Variants in DNAH9 observed in about 807,000 individuals in gnomAD.
DNAH9 encodes DNAH9 variant protein.
DNAH9 carries 345 observed loss-of-function variants against 471.6 expected under a neutral mutation model. The observed-to-expected ratio is 0.73, with a 90% CI of 0.67 to 0.80. The LOEUF (loss-of-function observed/expected upper bound fraction) is 0.80. Among genes scored for constraint, DNAH9 ranks in the 30% least tolerant of loss-of-function variants. The pLI is 0.00. For missense variants in DNAH9, 5,407 were observed against 5,609.2 expected, an observed-to-expected ratio of 0.96 and a Z score of 1.15; for synonymous variants, 2,093 against 2,123.6, an observed-to-expected ratio of 0.99 and a Z score of 0.40.
intron 45 of DNAH9, among the ~76,000 whole-genome samples, chr17:11,812,014 AAAAAAAAAAAAAATATATATAT>A: frequency 1.9e-5 from 1 of 51,890 alleles, no homozygotes; most frequent in Admixed American, 2.1e-4. Flanking sequence ...AAAAAAAAAA[AAAAAAAAAAAAAATATATATAT>A]ATATATATAT....
At chr17:11,644,405 G>C (rs1281573384) in intron 10 of DNAH9, among the ~76,000 whole-genome samples, 1 of 152,114 alleles carries the variant, frequency 6.6e-6, no homozygotes, top group East Asian at 1.9e-4. Flanking sequence ...GGCAGGAAAG[G>C]TTATGAGAGC....
At chr17:11,940,925 A>C (rs759680275) in intron 66 of DNAH9, among the ~76,000 whole-genome samples, 8 of 152,196 alleles carry the variant, frequency 5.3e-5, no homozygotes, top group Non-Finnish European at 1.2e-4. Flanking sequence ...AGACACCAAC[A>C]GAGCTTAACT....
At chr17:11,848,019 C>T (rs943404694) in intron 49 of DNAH9, among the ~76,000 whole-genome samples, 4 of 152,264 alleles carry the variant, frequency 2.6e-5, no homozygotes, top group East Asian at 3.9e-4. Context: ...TCCCTTTTCT[C>T]CTCAAGCCCA....
chr17:11,904,630 C>CAAAAAAA lies in DNAH9; in HGVS notation c.11601-1010_11601-1004dup, dbSNP rs202059757. 4.1e-3 allele frequency among the ~76,000 whole-genome samples: 454 copies of CAAAAAAA among 111,346 alleles called. 13 individuals are homozygous for CAAAAAAA. Among genetic ancestry groups the CAAAAAAA allele is most frequent in the East Asian group, 0.012 (39 of 3,170 alleles). The allele number at this position is 111,346 out of a possible 152,430, so 73.0% of individuals were successfully genotyped here. On this transcript the variant is annotated intron_variant, in intron 60 of 68. Transcript: ENST00000262442. ...TGGGCGACAGAGTGAGACTCCATCT[C>CAAAAAAA]AAAAAAAAAAAAAAAAAAAAAAAAA...
At chr17:11,938,094 A>G (rs1298186521) in intron 66 of DNAH9, among the ~76,000 whole-genome samples, 1 of 152,190 alleles carries the variant, frequency 6.6e-6, no homozygotes, top group East Asian at 1.9e-4. Flanking sequence ...TGGAGTAGAA[A>G]GGCAGACCAG....
chr17:11,873,384 G>GA (rs1330744035), intron 52 of DNAH9: 1 of 152,114 alleles, frequency 6.6e-6, no homozygotes, highest in Admixed American at 6.6e-5. Context: ...ATTACAAAGG[G>GA]AAAAAATATA....
intron 42 of DNAH9, among the ~76,000 whole-genome samples, chr17:11,795,023 T>C (rs561580585): frequency 1.3e-5 from 2 of 152,122 alleles, no homozygotes; most frequent in African/African-American, 4.8e-5. Flanking sequence ...TGTATACATA[T>C]GTAACAAACC....
intron 52 of DNAH9, among the ~76,000 whole-genome samples, chr17:11,873,831 T>C (rs1048243124): frequency 6.6e-6 from 1 of 152,156 alleles, no homozygotes; most frequent in Non-Finnish European, 1.5e-5. Flanking sequence ...TGCATAATGT[T>C]ATGCATAGAC....
At chr17:11,870,194 A>G (rs2150985041) in intron 51 of DNAH9, among the ~76,000 whole-genome samples, 1 of 152,340 alleles carries the variant, frequency 6.6e-6, no homozygotes, top group African/African-American at 2.4e-5. Context: ...GCTGTACTCT[A>G]TAGGTCAAAG....
Position 11,640,311 on chromosome 17 carries a change from G to A in DNAH9, c.1828G>A (p.Gly610Ser), listed in dbSNP as rs757776336. Residue 610 changes from glycine to serine, a missense_variant, in exon 10 of 69, where the codon GGC (glycine) becomes AGC (serine). This residue lies in a region of DNAH9 where 4,636 missense variants were observed against 4,900.3 expected (regional missense o/e 0.95). Transcript: ENST00000262442. The stretch of plus-strand genomic sequence containing the variant: ...CAAGAACATGCCCACCGTGGCTGGC[G>A]GCCTCCGCTGGGCACAGGAGCTGAG... ...VHKNMPTVAG[G>S]LRWAQELRQR... The A allele has an allele frequency of 4.6e-5, 74 of 1,613,792 alleles. No homozygotes were observed. The highest frequency in any genetic ancestry group is 8.9e-5 in the East Asian group (4 of 44,872).
At position 11,881,282 on chromosome 17, in the gene DNAH9, A is replaced by C; in HGVS notation, c.10675A>C (p.Asn3559His). The change falls in exon 55 of 69, where the codon AAT (asparagine) becomes CAT (histidine). Residue 3559 changes from asparagine to histidine, a missense_variant. Physicochemically the swap from Asn to His is moderately conservative, Grantham distance 68. Around this residue, in one of 3 missense-constraint regions of DNAH9, gnomAD observed 4,636 missense variants for 4,900.3 expected, o/e 0.95. Coordinates refer to ENST00000262442, the MANE Select transcript of DNAH9 (RefSeq NM_001372.4). ...GCTCATCCTCCACACCAAGCTGGCT[A>C]ATCCTCACTACCAGCCTGAGCTGCA... ...FRLILHTKLA[N>H]PHYQPELQAQ... The C allele has an allele frequency of 2.5e-6, 4 of 1,614,202 alleles. No homozygotes were observed.
chr17:11,716,894 G>T (rs933666625), intron 26 of DNAH9, among the ~76,000 whole-genome samples: 1 of 152,330 alleles, frequency 6.6e-6, no homozygotes, highest in African/African-American at 2.4e-5. Context: ...GCCATGGCAG[G>T]CCCTGAGCAG....
chr17:11,639,466 T>G (rs2073225647), intron 9 of DNAH9, among the ~76,000 whole-genome samples: 1 of 152,232 alleles, frequency 6.6e-6, no homozygotes, highest in Non-Finnish European at 1.5e-5. Context: ...ACAAACCCAT[T>G]GCTTGGGCTA....
At position 11,669,483 on chromosome 17, in the gene DNAH9, G is replaced by C. The variant is rs753540554; in HGVS notation, c.3042G>C (p.Ser1014=). ...CGYQSTFSQY[S]YLYVEDRKEV... ...ATCAGAGCACCTTCAGCCAGTATTC[G>C]TACCTCTATGTGGAGGACCGGAAGG... The change falls in exon 17 of 69, where the codon TCG becomes TCC. Residue 1014 remains serine (S), a synonymous_variant. Transcript: ENST00000262442. 1 of 1,614,010 alleles carries C rather than the reference G, an allele frequency of 6.2e-7. No individual in the cohort carries two copies. The highest frequency in any genetic ancestry group is 8.5e-7 in the Non-Finnish European group (1 of 1,180,020).
chr17:11,680,863 G>A lies in DNAH9; in HGVS notation c.3717G>A (p.Glu1239=), dbSNP rs2074121858. The change falls in exon 19 of 69, where the codon GAG becomes GAA. Residue 1239 remains glutamate, a synonymous_variant. Transcript: ENST00000262442. The part of the protein sequence containing the change: ...AFDAEQQQFW[E]QFHKEAPFRF... ...ATGCAGAACAGCAGCAATTCTGGGA[G>A]CAATTCCACAAAGAAGCCCCGTTCA... 3 of 1,612,604 alleles carry A rather than the reference G, an allele frequency of 1.9e-6. No homozygotes were observed. The highest frequency in any genetic ancestry group is 2.5e-6 in the Non-Finnish European group (3 of 1,179,454).
intron 10 of DNAH9, among the ~76,000 whole-genome samples, chr17:11,642,656 T>G (rs868525007): frequency 2.0e-5 from 3 of 152,252 alleles, no homozygotes; most frequent in African/African-American, 4.8e-5. Flanking sequence ...AATTTCACTG[T>G]GCTTATTCCT....
chr17:11,676,005 C>G (rs1254576942), intron 17 of DNAH9, among the ~76,000 whole-genome samples: 1 of 151,736 alleles, frequency 6.6e-6, no homozygotes, highest in Non-Finnish European at 1.5e-5. Context: ...TTGAAATTTT[C>G]TGATCTGTGA....
Position 11,744,890 on chromosome 17 carries a change from G to A in DNAH9, c.6205G>A (p.Val2069Ile), listed in dbSNP as rs770788978. ...RGDPDRPEDQ[V>I]LMRSLRDFNI... Reference sequence around the variant, plus strand: ...AGACCCTGACCGGCCTGAGGACCAGGTCCTGATGCGCTCCTTGCGGGATTT... The same window carrying A: ...AGACCCTGACCGGCCTGAGGACCAGATCCTGATGCGCTCCTTGCGGGATTT... The change falls in exon 31 of 69, where the codon GTC becomes ATC. Residue 2069 changes from valine (V) to isoleucine (I), a missense_variant. By Grantham distance (29) the Val-to-Ile change is conservative (BLOSUM62 3). Transcript: ENST00000262442. 3 of 1,614,206 alleles carry A rather than the reference G, an allele frequency of 1.9e-6. No individual in the cohort carries two copies. The highest frequency in any genetic ancestry group is 2.5e-6 in the Non-Finnish European group (3 of 1,180,036).
intron 50 of DNAH9, among the ~76,000 whole-genome samples, chr17:11,864,395 T>C (rs1227857791): frequency 1.3e-5 from 2 of 152,150 alleles, no homozygotes; most frequent in Non-Finnish European, 2.9e-5. Flanking sequence ...GATAGTTTGT[T>C]ATAATTTCTG....
Sources: allele counts gnomAD v4.1 joint callset (sites outside exome capture counted in the v4.1 genomes callset), GRCh38; gene constraint gnomAD v4.1.1; regional missense constraint gnomAD v4.1.1; transcripts MANE v1.5; gene names NCBI Gene and HGNC (gene_info 2026-07-23, HGNC 2026-07-21).